Variants in TDRD9 observed in about 807,000 individuals in gnomAD.
TDRD9 encodes tudor domain containing 9.
Under a neutral mutation model 172.6 loss-of-function variants are expected in TDRD9, and 124 were observed. The ratio of observed to expected loss-of-function variants is 0.72; its 90% confidence interval spans 0.62 to 0.83. The LOEUF (loss-of-function observed/expected upper bound fraction) is 0.83. TDRD9 is among the 40% of genes least tolerant of loss of function. The pLI, the probability that TDRD9 is intolerant of heterozygous loss-of-function variation, is 0.00. For synonymous variants in TDRD9, 619 were observed against 617.1 expected (o/e 1.00, Z -0.05); for missense variants, 1,479 against 1,714.1 (o/e 0.86, Z 2.42).
At chr14:103,998,109 C>T (rs191071684) in intron 12 of TDRD9, among the ~76,000 whole-genome samples, 13 of 152,022 alleles carry the variant, frequency 8.6e-5, no homozygotes, top group Admixed American at 3.9e-4. Context: ...GATACTAAAG[C>T]GCAGAGACAC....
intron 23 of TDRD9, among the ~76,000 whole-genome samples, chr14:104,020,431 C>T (rs143540777): frequency 2.4e-3 from 361 of 152,248 alleles, no homozygotes; most frequent in African/African-American, 8.4e-3. Context: ...CAAGAGCATC[C>T]GGCTTTCCAG....
chr14:103,980,738 G>A lies in TDRD9; in HGVS notation c.1011+5185G>A, dbSNP rs1265671736. Among the ~76,000 whole-genome samples, 6 of 152,040 alleles carry A rather than the reference G, an allele frequency of 3.9e-5. No individual in the cohort carries two copies. Among genetic ancestry groups the A allele is most frequent in the Middle Eastern group, 3.2e-3 (1 of 316 alleles). On this transcript the variant is annotated intron_variant, in intron 7 of 35. Transcript: ENST00000409874. This position sits in a 1 kb window ranked among gnomAD's most constrained non-coding sequence, Gnocchi z 4.5. ...GCGGGTGTTTTTCCTTGACACTGACGCTACCACTAGACCACGGCTAGACCA... is the reference window on the plus strand; with the variant it reads ...GCGGGTGTTTTTCCTTGACACTGACACTACCACTAGACCACGGCTAGACCA...
chr14:103,963,195 A>T lies in TDRD9; in HGVS notation c.420+19A>T, dbSNP rs1373980596. On this transcript the variant is annotated intron_variant, in intron 3 of 35. Coordinates refer to ENST00000409874, the MANE Select transcript of TDRD9 (RefSeq NM_153046.3). ...GGAAGAGGTAAAATTGTTTTGTTAT[A>T]CTGTAATTTTGCTGTTTGAATACAT... 4 of 1,512,608 alleles carry T rather than the reference A, an allele frequency of 2.6e-6. No homozygotes were observed. The Middle Eastern group carries it at 6.9e-4, about 262-fold the overall frequency. 93.7% of individuals were successfully genotyped at this position (1,512,608 alleles called of 1,614,324 possible).
chr14:103,946,923 A>G (rs2031590133), intron 1 of TDRD9, among the ~76,000 whole-genome samples: 1 of 152,218 alleles, frequency 6.6e-6, no homozygotes, highest in Admixed American at 6.5e-5. Context: ...TCCTCTATTC[A>G]TGGATTGGAA....
intron 24 of TDRD9, among the ~76,000 whole-genome samples, chr14:104,022,765 A>AAATAAAT (rs2035002059): frequency 2.0e-5 from 2 of 102,446 alleles, no homozygotes; most frequent in African/African-American, 3.2e-5. Flanking sequence ...AATAAATAAA[A>AAATAAAT]AAGCACTGGC....
In TDRD9 at chr14:103,998,570, A is replaced by G. The variant is rs887274196; in HGVS notation, c.1379-54A>G. On this transcript the variant is annotated intron_variant, in intron 12 of 35. Coordinates refer to ENST00000409874, the MANE Select transcript of TDRD9 (RefSeq NM_153046.3). ...TTATCACTATGCATTGTGATTTATT[A>G]TGCAATGATCTCTTATTAGCATGGT... 3.9e-5 allele frequency: 37 copies of G among 948,362 alleles called. No individual in the cohort carries two copies. The Admixed American group carries it at 6.3e-4, about 16-fold the overall frequency. 58.7% of individuals were successfully genotyped at this position (948,362 alleles called of 1,614,324 possible).
intron 1 of TDRD9, among the ~76,000 whole-genome samples, chr14:103,954,940 T>G (rs2032122843): frequency 6.6e-6 from 1 of 151,194 alleles, no homozygotes; most frequent in Admixed American, 6.6e-5. Flanking sequence ...GTTTATTTTT[T>G]TTTTGAAACA....
intron 22 of TDRD9, among the ~76,000 whole-genome samples, chr14:104,017,565 A>G (rs879003951): frequency 2.0e-5 from 3 of 152,258 alleles, no homozygotes; most frequent in Non-Finnish European, 4.4e-5. Flanking sequence ...GCGCTGGCAC[A>G]GGAGTTGTCC....
At chr14:103,990,672 G>T (rs923829395) in intron 8 of TDRD9, among the ~76,000 whole-genome samples, 1 of 152,196 alleles carries the variant, frequency 6.6e-6, no homozygotes, top group African/African-American at 2.4e-5. Flanking sequence ...TTACACAGAG[G>T]AGGGCCTGGC....
chr14:103,973,225 A>G (rs2033106437), intron 6 of TDRD9, among the ~76,000 whole-genome samples: 2 of 152,188 alleles, frequency 1.3e-5, no homozygotes, highest in African/African-American at 4.8e-5. Context: ...TTGGGCCAAG[A>G]AATTAGACAC....
intron 1 of TDRD9, chr14:103,941,958 T>C (rs2031262489): frequency 4.8e-6 from 2 of 420,260 alleles, no homozygotes; most frequent in Non-Finnish European, 8.4e-6. Flanking sequence ...ACATATAGAC[T>C]GAATGATATC....
At position 104,042,065 on chromosome 14, in the gene TDRD9, A is replaced by G; in HGVS notation, c.3856-4A>G. 6.4e-7 allele frequency: 1 copy of G among 1,567,788 alleles called. No homozygotes were observed. Among genetic ancestry groups the G allele is most frequent in the Non-Finnish European group, 8.8e-7 (1 of 1,138,192 alleles). On this transcript the variant is annotated splice_region_variant and splice_polypyrimidine_tract_variant and intron_variant, in intron 33 of 35. Transcript: ENST00000409874. Reference sequence around the variant, plus strand: ...TGAGTGTTTATGTTGCTGTTCATTTACAGGTTAATATTCTCAGGGCTGCTA... The same window carrying G: ...TGAGTGTTTATGTTGCTGTTCATTTGCAGGTTAATATTCTCAGGGCTGCTA...
At chr14:104,045,840 G>A (rs769323327) in intron 34 of TDRD9, among the ~76,000 whole-genome samples, 1 of 152,228 alleles carries the variant, frequency 6.6e-6, no homozygotes, top group Non-Finnish European at 1.5e-5. Context: ...CTGGCCAGGT[G>A]CTAGAGCCAT....
chr14:104,026,910 G>A lies in TDRD9; in HGVS notation c.3253G>A (p.Glu1085Lys), dbSNP rs1177967089. 7 of 1,613,784 alleles carry A rather than the reference G, an allele frequency of 4.3e-6. No individual in the cohort carries two copies. The highest frequency in any genetic ancestry group is 1.3e-5 in the African/African-American group (1 of 74,948). Residue 1085 changes from glutamate (E) to lysine (K), a missense_variant, in exon 28 of 36, where the codon GAG becomes AAG. By Grantham distance (56) the Glu-to-Lys change is moderately conservative (BLOSUM62 1). This residue lies in a region of TDRD9 where 1,413 missense variants were observed against 1,649.1 expected (regional missense o/e 0.86). Transcript: ENST00000409874. ...RDVLIQQGYA[E>K]LTEESYESKQ... ...CGTCCTCATCCAGCAGGGCTATGCC[G>A]AGCTCACGGAGGAGTCCTACGAGTC...
intron 2 of TDRD9, among the ~76,000 whole-genome samples, chr14:103,958,713 T>C (rs2032362359): frequency 6.6e-6 from 1 of 152,204 alleles, no homozygotes; most frequent in African/African-American, 2.4e-5. Context: ...AGATTCTTCT[T>C]TACAGAGCCT....
chr14:104,039,031 AAG>A (rs1485074510), intron 32 of TDRD9, among the ~76,000 whole-genome samples: 4 of 152,258 alleles, frequency 2.6e-5, no homozygotes, highest in South Asian at 4.2e-4. Flanking sequence ...TTATAAAGGA[AAG>A]AGGTTTAATT....
At chr14:104,021,171 G>T (rs1335189548) in intron 23 of TDRD9, among the ~76,000 whole-genome samples, 1 of 152,130 alleles carries the variant, frequency 6.6e-6, no homozygotes, top group Admixed American at 6.5e-5. Context: ...TGGCTGGAGC[G>T]AAAGGAAGAG....
At chr14:104,042,858 A>G (rs552287355) in intron 34 of TDRD9, among the ~76,000 whole-genome samples, 9 of 152,232 alleles carry the variant, frequency 5.9e-5, no homozygotes, top group African/African-American at 2.2e-4. Flanking sequence ...AGCAGGTGGC[A>G]TCTGGTATCA....
At chr14:104,042,883 TCCTTCCTATG>T (rs1031146758) in intron 34 of TDRD9, among the ~76,000 whole-genome samples, 1 of 152,190 alleles carries the variant, frequency 6.6e-6, no homozygotes, top group African/African-American at 2.4e-5. Context: ...GACACTTCTC[TCCTTCCTATG>T]CCTTTTGGGT....
Sources: allele counts gnomAD v4.1 joint callset (sites outside exome capture counted in the v4.1 genomes callset), GRCh38; gene constraint gnomAD v4.1.1; regional missense constraint gnomAD v4.1.1; non-coding constraint Gnocchi (gnomAD v3.1); transcripts MANE v1.5; gene names NCBI Gene and HGNC (gene_info 2026-07-23, HGNC 2026-07-21).